The following CABP4 variants were observed in gnomAD, a reference collection of about 807,000 sequenced individuals.
CABP4 encodes calcium-binding protein 4.
In CABP4, 30 loss-of-function variants were observed where a neutral mutation model predicts 30.7. That is an observed-to-expected ratio of 0.98 (90% CI 0.73 to 1.33). CABP4 has a LOEUF of 1.33. Among genes scored for constraint, CABP4 ranks in the 40% most tolerant of loss-of-function variants. The pLI is 0.00. For missense variants in CABP4, 424 were observed against 395.5 expected (o/e 1.07, Z -0.61); for synonymous variants, 161 against 159.2 (o/e 1.01, Z -0.08).
At chr11:67,458,257 C>A in intron 4 of CABP4, 114 bp from the exon 5 acceptor site, 1 of 920,548 alleles carries the variant, frequency 1.1e-6, no homozygotes, top group East Asian at 4.2e-5. Flanking sequence ...GACTCCATCT[C>A]AAAAAATAAA....
upstream of CABP4, chr11:67,452,494 G>A (rs772302881): frequency 2.5e-6 from 4 of 1,611,282 alleles, no homozygotes; most frequent in Non-Finnish European, 3.4e-6. Flanking sequence ...GGAACAAGAA[G>A]TCAGAGAGGG....
Position 67,457,672 on chromosome 11 carries a change from C to T in CABP4, c.641C>T (p.Ala214Val). 1.3e-6 allele frequency: 2 copies of T among 1,588,066 alleles called. No homozygotes were observed. Among genetic ancestry groups the T allele is most frequent in the Non-Finnish European group, 1.7e-6 (2 of 1,167,342 alleles). Reference protein sequence around the residue: ...HMLGVRELRIAFREFDRDRDG... With the variant: ...HMLGVRELRIVFREFDRDRDG... ...CTGGGGGTGCGAGAGCTGCGCATCGCCTTCCGAGAGGTGCGGAGTGTGGTG... is the reference window on the plus strand; with the variant it reads ...CTGGGGGTGCGAGAGCTGCGCATCGTCTTCCGAGAGGTGCGGAGTGTGGTG... The change falls in exon 4 of 6, where the codon GCC becomes GTC. Residue 214 changes from alanine to valine, a missense_variant. Physicochemically the swap from Ala to Val is moderately conservative, Grantham distance 64. Coordinates refer to ENST00000325656, the MANE Select transcript of CABP4 (RefSeq NM_145200.5).
intron 1 of CABP4, 112 bp downstream of exon 1, chr11:67,455,901 C>A (rs1864768684): frequency 1.4e-6 from 2 of 1,413,420 alleles, no homozygotes; most frequent in African/African-American, 2.8e-5. Context: ...CTGCCCCAGA[C>A]TGAGCCTGGG....
In CABP4 at chr11:67,458,400, G is replaced by C; in HGVS notation, c.681G>C (p.Thr227=). Residue 227 remains threonine, a synonymous_variant, in exon 5 of 6, where the codon ACG becomes ACC. Coordinates refer to ENST00000325656, the MANE Select transcript of CABP4 (RefSeq NM_145200.5). ...EFDRDRDGRI[T]VAELREAVPA... ...ACAGGGACAGGGATGGACGAATTACGGTGGCGGAGCTGCGGGAGGCGGTAC... is the reference window on the plus strand; with the variant it reads ...ACAGGGACAGGGATGGACGAATTACCGTGGCGGAGCTGCGGGAGGCGGTAC... The C allele has an allele frequency of 1.2e-6, 2 of 1,613,326 alleles. No homozygotes were observed. The highest frequency in any genetic ancestry group is 1.1e-5 in the South Asian group (1 of 91,042).
chr11:67,454,845 C>T (rs1004538195), upstream of CABP4, among the ~76,000 whole-genome samples: 7 of 152,212 alleles, frequency 4.6e-5, no homozygotes, highest in Admixed American at 6.5e-5. Flanking sequence ...AAACGGCATT[C>T]GAGGCATCTG....
chr11:67,456,165 C>T (rs1046140827), intron 1 of CABP4, 23 bp from the exon 2 acceptor site: 2 of 1,612,958 alleles, frequency 1.2e-6, no homozygotes, highest in South Asian at 1.1e-5. Context: ...GCCCTGGGGA[C>T]ATCCTGGACT....
At position 67,457,647 on chromosome 11, in the gene CABP4, C is replaced by T. The variant is rs1264675925; in HGVS notation, c.616C>T (p.Leu206=). 1.2e-6 allele frequency: 2 copies of T among 1,603,682 alleles called. No individual in the cohort carries two copies. Among genetic ancestry groups the T allele is most frequent in the Non-Finnish European group, 1.7e-6 (2 of 1,175,420 alleles). ...GCTGAGGGAGGAGACGGCGCACATG[C>T]TGGGGGTGCGAGAGCTGCGCATCGC... ...PKLREETAHM[L]GVRELRIAFR... is the part of the protein sequence containing the mutation. Residue 206 remains leucine, a synonymous_variant, in exon 4 of 6, where the codon CTG becomes TTG. Coordinates refer to ENST00000325656, the MANE Select transcript of CABP4 (RefSeq NM_145200.5).
intron 4 of CABP4, among the ~76,000 whole-genome samples, chr11:67,457,988 G>A (rs962760987): frequency 2.5e-4 from 38 of 152,226 alleles, no homozygotes; most frequent in Admixed American, 2.4e-3. Context: ...GCCAGGCGCG[G>A]TGGCTCACGC....
Position 67,461,660 on chromosome 11 carries a change from C to T in CABP4, c.*3001C>T, listed in dbSNP as rs528535037. On this transcript the variant is annotated 3_prime_UTR_variant, in exon 6 of 6. Coordinates refer to ENST00000325656, the MANE Select transcript of CABP4 (RefSeq NM_145200.5). ...CTTTGGTCTCTGTTGCAGCTGCTCA[C>T]GCAACTCTGCTGTTGAAGTTTGTAG... 2.0e-5 allele frequency: 3 copies of T among 152,276 alleles called. No individual in the cohort carries two copies. Among genetic ancestry groups the T allele is most frequent in the South Asian group, 2.1e-4 (1 of 4,826 alleles). The allele number at this position is 152,276 out of a possible 1,614,324, so 9.4% of individuals were successfully genotyped here.
intron 5 of CABP4, 42 bp from the exon 6 acceptor site, chr11:67,458,589 C>T (rs1591005562): frequency 1.2e-6 from 2 of 1,614,118 alleles, no homozygotes; most frequent in South Asian, 2.2e-5. Flanking sequence ...TCCTGGGATC[C>T]CTGACGTGGA....
Position 67,457,672 on chromosome 11 carries a change from C to G in CABP4, c.641C>G (p.Ala214Gly). The change falls in exon 4 of 6, where the codon GCC (alanine) becomes GGC (glycine). Residue 214 changes from alanine (A) to glycine (G), a missense_variant. Coordinates refer to ENST00000325656, the MANE Select transcript of CABP4 (RefSeq NM_145200.5). ...HMLGVRELRI[A>G]FREFDRDRDG... ...CTGGGGGTGCGAGAGCTGCGCATCG[C>G]CTTCCGAGAGGTGCGGAGTGTGGTG... The G allele has an allele frequency of 6.3e-7, 1 of 1,588,066 alleles. No individual in the cohort carries two copies. The highest frequency in any genetic ancestry group is 1.1e-5 in the South Asian group (1 of 87,086).
At chr11:67,452,534 G>A (rs745586054), upstream of CABP4, 36 of 1,606,554 alleles carry the variant, frequency 2.2e-5, no homozygotes, top group Middle Eastern at 1.7e-4. Flanking sequence ...CGCCAGACGC[G>A]TGCCAGCTCC....
chr11:67,455,915 T>C (rs936322771), intron 1 of CABP4, 126 bp downstream of exon 1: 58 of 1,358,060 alleles, frequency 4.3e-5, no homozygotes, highest in Non-Finnish European at 5.7e-5. Flanking sequence ...GCCTGGGCTG[T>C]GGGGCAGGGT....
Position 67,455,458 on chromosome 11 carries a change from C to CA in CABP4, c.38dup (p.Asn13LysfsTer19). The stretch of plus-strand genomic sequence containing the variant: ...GAGCAGGCAAGGGGGCAGCAGGGCC[C>CA]AAATCTGGCCATTGGCCGTCAGAAG... On this transcript the variant is annotated frameshift_variant, in exon 1 of 6. Transcript: ENST00000325656. LOFTEE classifies it high-confidence loss of function. 6.2e-7 allele frequency: 1 copy of CA among 1,611,530 alleles called. No individual in the cohort carries two copies. The highest frequency in any genetic ancestry group is 8.5e-7 in the Non-Finnish European group (1 of 1,179,586).
chr11:67,454,916 G>C, upstream of CABP4, among the ~76,000 whole-genome samples: 1 of 152,122 alleles, frequency 6.6e-6, no homozygotes, highest in East Asian at 1.9e-4. Context: ...TCACCCATGG[G>C]GGGGCCCCAG....
At chr11:67,456,246 G>C (rs767093341) in intron 2 of CABP4, 28 bp downstream of exon 2, 1 of 1,613,632 alleles carries the variant, frequency 6.2e-7, no homozygotes, top group Non-Finnish European at 8.5e-7. Context: ...CTGGCAGGGG[G>C]TGGGAGCTGT....
intron 3 of CABP4, among the ~76,000 whole-genome samples, chr11:67,457,094 G>C (rs1864837354): frequency 1.3e-5 from 2 of 152,168 alleles, no homozygotes; most frequent in Non-Finnish European, 2.9e-5. Flanking sequence ...CAAAGCTGTT[G>C]GGTGACCATG....
rs998982039 is a variant in CABP4 at position 67,456,366 on chromosome 11, T to C, written c.465T>C (p.Gly155=). The change falls in exon 3 of 6, where the codon GGT becomes GGC. Residue 155 remains glycine, a synonymous_variant. Transcript: ENST00000325656. ...GCTACATCAGCCACCGGGAGCTGGG[T>C]GACTGCATGCGGACCCTGGGCTACA... The part of the protein sequence containing the change: ...RDGYISHREL[G]DCMRTLGYMP... 6.2e-7 allele frequency: 1 copy of C among 1,613,320 alleles called. No homozygotes were observed. The highest frequency in any genetic ancestry group is 8.5e-7 in the Non-Finnish European group (1 of 1,179,958).
chr11:67,452,734 C>T (rs1240125557), upstream of CABP4: 3 of 1,543,762 alleles, frequency 1.9e-6, no homozygotes, highest in Non-Finnish European at 2.6e-6. Flanking sequence ...TTTGGGGTCC[C>T]CAGAGTCCTG....
Sources: allele counts gnomAD v4.1 joint callset (sites outside exome capture counted in the v4.1 genomes callset), GRCh38; gene constraint gnomAD v4.1.1; transcripts MANE v1.5; gene names NCBI Gene and HGNC (gene_info 2026-07-23, HGNC 2026-07-21).